Variants in WDR37 observed in about 807,000 individuals in gnomAD.
WDR37 encodes the protein WD repeat domain 37.
A neutral mutation model predicts 62.9 loss-of-function variants in WDR37; 19 were observed. That is an observed-to-expected ratio of 0.30 (90% CI 0.21 to 0.44). The LOEUF is 0.44. Among genes scored for constraint, WDR37 ranks in the 20% least tolerant of loss-of-function variants. WDR37 has a pLI of 1.00. For missense variants in WDR37, 474 were observed against 657.6 expected, an observed-to-expected ratio of 0.72 and a Z score of 3.05; for synonymous variants, 250 against 260.9, an observed-to-expected ratio of 0.96 and a Z score of 0.40.
At chr10:1,074,484 G>A (rs1466392735) in intron 2 of WDR37, 54 of 1,304,368 alleles carry the variant, frequency 4.1e-5, no homozygotes, top group Non-Finnish European at 5.0e-5. Context: ...GCAGTGATTC[G>A]GAGTGGGACC....
chr10:1,080,324 C>G, intron 4 of WDR37, 88 bp from the exon 5 acceptor site: 1 of 1,551,788 alleles, frequency 6.4e-7, no homozygotes, highest in Non-Finnish European at 8.8e-7. Flanking sequence ...GGCCCCCTTT[C>G]TTCCTGTGCA....
intron 1 of WDR37, among the ~76,000 whole-genome samples, chr10:1,071,199 A>C (rs1833718126): frequency 6.6e-6 from 1 of 152,136 alleles, no homozygotes; most frequent in Non-Finnish European, 1.5e-5. Context: ...TGATGGAGGC[A>C]TGTTGGCGTC....
At chr10:1,078,336 A>G (rs575544201) in intron 3 of WDR37, among the ~76,000 whole-genome samples, 92 of 152,388 alleles carry the variant, frequency 6.0e-4, no homozygotes, top group South Asian at 2.5e-3. Flanking sequence ...TGATGCATAT[A>G]CTATATCTGA....
chr10:1,105,265 G>C lies in WDR37; in HGVS notation c.1101G>C (p.Thr367=), dbSNP rs1834964981. 6.2e-7 allele frequency: 1 copy of C among 1,613,734 alleles called. No individual in the cohort carries two copies. Among genetic ancestry groups the C allele is most frequent in the East Asian group, 2.2e-5 (1 of 44,866 alleles). The change falls in exon 11 of 14, where the codon ACG becomes ACC. Residue 367 remains threonine (T), a splice_region_variant and synonymous_variant. Transcript: ENST00000263150. The surrounding 1 kb of genome is among the most constrained non-coding windows in gnomAD (Gnocchi z 5.3). ...CGGTGAATGTTTTCCAGGGACACAC[G>C]GAGTGAGTTGCGGTAGTTTAGACAT... ...IHSVNVFQGH[T]DTVTSAVFTV...
rs1000150873 is a variant in WDR37, at chr10:1,069,097, G to T, written c.-40-3019G>T. Among the ~76,000 whole-genome samples the T allele has an allele frequency of 2.0e-5, 3 of 152,066 alleles. No individual in the cohort carries two copies. In the East Asian group the frequency reaches 5.8e-4, roughly 29 times the overall value. On this transcript the variant is annotated intron_variant, in intron 1 of 13. Coordinates refer to ENST00000263150, the MANE Select transcript of WDR37 (RefSeq NM_014023.4). ...AATAGGTGTGGGGCTTCGTTTTGGGGTGATAAAAATGTACAGTTGATTGTG... is the reference window on the plus strand; with the variant it reads ...AATAGGTGTGGGGCTTCGTTTTGGGTTGATAAAAATGTACAGTTGATTGTG...
intron 11 of WDR37, among the ~76,000 whole-genome samples, chr10:1,111,596 G>A (rs1835219523): frequency 6.6e-6 from 1 of 152,194 alleles, no homozygotes; most frequent in South Asian, 2.1e-4. Flanking sequence ...TACGTGTTTA[G>A]AAGGACCAGT....
At chr10:1,101,802 C>T (rs1834814892) in intron 9 of WDR37, among the ~76,000 whole-genome samples, 1 of 152,202 alleles carries the variant, frequency 6.6e-6, no homozygotes, top group Non-Finnish European at 1.5e-5. Flanking sequence ...TCCTCACATC[C>T]GACTCACGTG....
At chr10:1,089,526 C>T (rs1198609118) in intron 7 of WDR37, among the ~76,000 whole-genome samples, 9 of 152,164 alleles carry the variant, frequency 5.9e-5, no homozygotes, top group African/African-American at 1.9e-4. Flanking sequence ...GAAGAAGTCT[C>T]TTCCTGTTCT....
In WDR37 at chr10:1,125,014, G is replaced by A. The variant is rs1218260710; in HGVS notation, c.1343G>A (p.Ser448Asn). 1.2e-6 allele frequency: 2 copies of A among 1,614,130 alleles called. No homozygotes were observed. The highest frequency in any genetic ancestry group is 1.7e-5 in the Admixed American group (1 of 60,014). Residue 448 changes from serine (S) to asparagine (N), a missense_variant, in exon 13 of 14, where the codon AGC (serine) becomes AAC (asparagine). Transcript: ENST00000263150. ...GTGCGCCTGGCGCGGCTTCCCCGGA[G>A]CAGCCGACAGGTAACAGCACGGTCG... is the stretch of plus-strand genomic sequence containing the variant. ...SGVRLARLPR[S>N]SRQGHRRMVC...
At chr10:1,066,309 G>A (rs1833541572) in intron 1 of WDR37, among the ~76,000 whole-genome samples, 1 of 152,096 alleles carries the variant, frequency 6.6e-6, no homozygotes, top group Non-Finnish European at 1.5e-5. Context: ...GTAGAGACGG[G>A]GTTTCACCGT....
At chr10:1,093,319 A>T in intron 7 of WDR37, 133 bp from the exon 8 acceptor site, 3 of 703,956 alleles carry the variant, frequency 4.3e-6, no homozygotes, top group African/African-American at 1.8e-5. Flanking sequence ...TTATAACTTA[A>T]CTGAGTGGAG....
chr10:1,096,650 T>C (rs1834589607), intron 9 of WDR37: 1 of 192,236 alleles, frequency 5.2e-6, no homozygotes, highest in Non-Finnish European at 1.1e-5. Flanking sequence ...CTGCGGCCTT[T>C]TGTTGCGGCA....
At chr10:1,126,923 A>G (rs963439202) in intron 13 of WDR37, among the ~76,000 whole-genome samples, 1 of 152,230 alleles carries the variant, frequency 6.6e-6, no homozygotes, top group Non-Finnish European at 1.5e-5. Flanking sequence ...GAAAAATTTC[A>G]TGAAATTAGA....
In WDR37 at chr10:1,103,183, C is replaced by T. The variant is rs1380260812; in HGVS notation, c.727-419C>T. On this transcript the variant is annotated intron_variant, in intron 9 of 13. Transcript: ENST00000263150. This position sits in a 1 kb window ranked among gnomAD's most constrained non-coding sequence, Gnocchi z 6.3. The stretch of plus-strand genomic sequence containing the variant: ...GAATTCCAAGTATATTTTAAATAGG[C>T]TCTTGAGAATGAAAATGCCTTTTTG... Among the ~76,000 whole-genome samples, 1 of 152,158 alleles carries T rather than the reference C, an allele frequency of 6.6e-6. No individual in the cohort carries two copies. The highest frequency in any genetic ancestry group is 2.4e-5 in the African/African-American group (1 of 41,410).
Position 1,103,764 on chromosome 10 carries a change from G to A in WDR37, c.889G>A (p.Val297Met). ...CTGGCTGGTTGGGGGGAAGCAGGCTGTGACTGCCTCCTGGGACCGGACGGC... is the reference window on the plus strand; with the variant it reads ...CTGGCTGGTTGGGGGGAAGCAGGCTATGACTGCCTCCTGGGACCGGACGGC... ...SDWLVGGKQA[V>M]TASWDRTANL... is the part of the protein sequence containing the mutation. The change falls in exon 10 of 14, where the codon GTG becomes ATG. Residue 297 changes from valine (V) to methionine (M), a missense_variant. Physicochemically the swap from Val to Met is conservative, Grantham distance 21. Transcript: ENST00000263150. This position sits in a 1 kb window ranked among gnomAD's most constrained non-coding sequence, Gnocchi z 6.3. 1 of 1,614,270 alleles carries A rather than the reference G, an allele frequency of 6.2e-7. No individual in the cohort carries two copies. Among genetic ancestry groups the A allele is most frequent in the Non-Finnish European group, 8.5e-7 (1 of 1,180,054 alleles).
chr10:1,065,492 T>C (rs1833508950), intron 1 of WDR37, among the ~76,000 whole-genome samples: 1 of 151,650 alleles, frequency 6.6e-6, no homozygotes, highest in Admixed American at 6.6e-5. Flanking sequence ...GGAGAGAGAA[T>C]GAATGATACA....
In WDR37 at chr10:1,130,693, T is replaced by C. The variant is rs943619252; in HGVS notation, c.*1349T>C. ...AGGAAGGTAATATTTACAGCTGTCA[T>C]GTGACATCCCCAGGTCTTTGTGTTT... On this transcript the variant is annotated 3_prime_UTR_variant, in exon 14 of 14. Transcript: ENST00000263150. 2.6e-5 allele frequency: 4 copies of C among 152,284 alleles called. No homozygotes were observed. The South Asian group carries it at 8.3e-4, about 32-fold the overall frequency. 9.4% of individuals were successfully genotyped at this position (152,284 alleles called of 1,614,324 possible). A position where few individuals can be genotyped will look rare whatever the true frequency, so the allele number is the denominator to read the frequency against.
intron 2 of WDR37, 105 bp downstream of exon 2, chr10:1,072,398 TC>T: frequency 6.8e-7 from 1 of 1,461,802 alleles, no homozygotes; most frequent in Non-Finnish European, 9.3e-7. Flanking sequence ...GCTCACAACC[TC>T]CACCTCCTGG....
chr10:1,086,267 C>A lies in WDR37; in HGVS notation c.533-19C>A. 3 of 1,611,934 alleles carry A rather than the reference C, an allele frequency of 1.9e-6. No individual in the cohort carries two copies. In the South Asian group the frequency reaches 3.3e-5, roughly 18 times the overall value. On this transcript the variant is annotated intron_variant, in intron 6 of 13. Coordinates refer to ENST00000263150, the MANE Select transcript of WDR37 (RefSeq NM_014023.4). ...ACTGATGATAGCTAAGTTCCGACTTCTTCATTTCCATCTTGCAGATCACAC... is the reference window on the plus strand; with the variant it reads ...ACTGATGATAGCTAAGTTCCGACTTATTCATTTCCATCTTGCAGATCACAC...
Sources: gnomAD v4.1 joint callset for allele counts (sites outside exome capture counted in the v4.1 genomes callset) on GRCh38, gnomAD v4.1.1 for gene constraint, Gnocchi (gnomAD v3.1) non-coding constraint, MANE v1.5 for transcripts, NCBI Gene and HGNC (gene_info 2026-07-23, HGNC 2026-07-21) for gene names.